Variants in GIPC1 observed in about 807,000 individuals in gnomAD.
GIPC1 encodes the protein GIPC PDZ domain containing family member 1, also known as PDZ domain-containing protein GIPC1.
GIPC1 carries 15 observed loss-of-function variants against 28.5 expected under a neutral mutation model. The ratio of observed to expected loss-of-function variants is 0.53; its 90% CI spans 0.35 to 0.81. The LOEUF is 0.81. Among genes scored for constraint, GIPC1 ranks in the 30% least tolerant of loss-of-function variants. The pLI, the probability that GIPC1 is intolerant of heterozygous loss-of-function variation, is 0.01. For missense variants in GIPC1, 439 were observed against 481.9 expected (o/e 0.91, Z 0.83); for synonymous variants, 224 against 206.1 (o/e 1.09, Z -0.74).
In GIPC1 at chr19:14,478,280, C is replaced by T; in HGVS notation, c.*136G>A. On this transcript the variant is annotated 3_prime_UTR_variant, in exon 9 of 9. Transcript: ENST00000393033. This position sits in a 1 kb window ranked among gnomAD's most constrained non-coding sequence, Gnocchi z 5.2. ...ATTGGAGCGGGGCAGGGGGCCTGGCCCCACCTCCCCTCACCATCGTCCTTG... is the reference window on the plus strand; with the variant it reads ...ATTGGAGCGGGGCAGGGGGCCTGGCTCCACCTCCCCTCACCATCGTCCTTG... The T allele has an allele frequency of 8.9e-6, 8 of 898,300 alleles. No homozygotes were observed. In the South Asian group the frequency reaches 1.2e-4, roughly 14 times the overall value. The allele number at this position is 898,300 out of a possible 1,614,324, so 55.6% of individuals were successfully genotyped here.
At chr19:14,493,315 T>A (rs546737966) in intron 1 of GIPC1, among the ~76,000 whole-genome samples, 1 of 152,336 alleles carries the variant, frequency 6.6e-6, no homozygotes, top group South Asian at 2.1e-4. Flanking sequence ...TACAACAGTT[T>A]CCCACCTTCT....
chr19:14,480,218 G>T, intron 6 of GIPC1, 87 bp downstream of exon 6: 3 of 1,168,276 alleles, frequency 2.6e-6, no homozygotes, highest in East Asian at 4.8e-5. Context: ...GGCCAGGCTT[G>T]GGCGCCACCT....
chr19:14,479,488 C>T lies in GIPC1; in HGVS notation c.692G>A (p.Gly231Asp). 6.9e-7 allele frequency: 1 copy of T among 1,442,110 alleles called. No individual in the cohort carries two copies. The highest frequency in any genetic ancestry group is 9.1e-7 in the Non-Finnish European group (1 of 1,101,124). 89.3% of individuals were successfully genotyped at this position (1,442,110 alleles called of 1,614,324 possible). ...GCCAGTGCCCAGTTGTGGGCCAGAG[C>T]CAGGGCGGCCACCCGCTGAACGCTG... The part of the protein sequence containing the change: ...ISQRSAGGRP[G>D]SGPQLGTGRG... Residue 231 changes from glycine to aspartate, a missense_variant, in exon 7 of 9, where the codon GGC becomes GAC. Gly to Asp is a moderately conservative substitution (Grantham distance 94). Transcript: ENST00000393033.
At position 14,489,379 on chromosome 19, in the gene GIPC1, G is replaced by T. The variant is rs372496013; in HGVS notation, c.-31+2277C>A. On this transcript the variant is annotated intron_variant, in intron 3 of 8. Coordinates refer to ENST00000393033, the MANE Select transcript of GIPC1 (RefSeq NM_005716.4). Reference sequence around the variant, plus strand: ...TCCAAGGCATCTGTGAGCCCATGGAGTATACACCATGAGCAAAGCTCACCC... The same window carrying T: ...TCCAAGGCATCTGTGAGCCCATGGATTATACACCATGAGCAAAGCTCACCC... 10 of 785,540 alleles carry T rather than the reference G, an allele frequency of 1.3e-5. No individual in the cohort carries two copies. In the East Asian group the frequency reaches 2.4e-4, roughly 19 times the overall value. 48.7% of individuals were successfully genotyped at this position (785,540 alleles called of 1,614,324 possible). A position where few individuals can be genotyped will look rare whatever the true frequency, so the allele number is the denominator to read the frequency against.
chr19:14,492,710 C>G (rs753802958), intron 2 of GIPC1, 147 bp downstream of exon 2: 35 of 152,286 alleles, frequency 2.3e-4, no homozygotes, highest in Non-Finnish European at 4.6e-4. Flanking sequence ...TCTGCCCACC[C>G]CACTGCCCTG....
At chr19:14,480,164 G>A (rs1271730812) in intron 6 of GIPC1, 141 bp downstream of exon 6, 5 of 688,630 alleles carry the variant, frequency 7.3e-6, no homozygotes, top group Non-Finnish European at 9.8e-6. Context: ...GGGTCGGGAG[G>A]AGCTGCAACC....
chr19:14,479,847 C>T (rs772523845), intron 6 of GIPC1: 16 of 369,238 alleles, frequency 4.3e-5, no homozygotes, highest in African/African-American at 2.5e-4. Flanking sequence ...TGCCTGAGTC[C>T]GTCTCCTCTT....
chr19:14,489,837 G>A (rs1390439373), intron 3 of GIPC1, among the ~76,000 whole-genome samples: 2 of 151,604 alleles, frequency 1.3e-5, no homozygotes, highest in Non-Finnish European at 2.9e-5. Context: ...TGATTTCAAA[G>A]GGTTTTATGT....
intron 1 of GIPC1, among the ~76,000 whole-genome samples, chr19:14,493,512 C>CA (rs2072014089): frequency 6.6e-6 from 1 of 151,860 alleles, no homozygotes; most frequent in Non-Finnish European, 1.5e-5. Context: ...GGTTGGAGTG[C>CA]AGTGGCGCCA....
intron 1 of GIPC1, among the ~76,000 whole-genome samples, chr19:14,494,266 AT>A (rs1386860719): frequency 1.3e-5 from 2 of 151,384 alleles, no homozygotes; most frequent in Admixed American, 1.3e-4. Context: ...CAATTTTTGT[AT>A]TTTTAGTAGA....
At chr19:14,485,960 C>T (rs558115504) in intron 3 of GIPC1, among the ~76,000 whole-genome samples, 4 of 151,906 alleles carry the variant, frequency 2.6e-5, no homozygotes, top group African/African-American at 4.8e-5. Context: ...TTAGTAGAGA[C>T]GAGGTTTCAC....
rs747997135 is a variant in GIPC1, at chr19:14,478,691, C to T, written c.843G>A (p.Thr281=). ...LLESYMGIRD[T]ELAATMVELG... ...CAGGCAGCCCTCACTCACCCAGCTC[C>T]GTGTCCCTGATACCCATGTAACTCT... The change falls in exon 8 of 9, where the codon ACG becomes ACA. Residue 281 remains threonine, a synonymous_variant. Transcript: ENST00000393033. This position sits in a 1 kb window ranked among gnomAD's most constrained non-coding sequence, Gnocchi z 5.2. The T allele has an allele frequency of 1.4e-5, 22 of 1,613,690 alleles. No individual in the cohort carries two copies. The highest frequency in any genetic ancestry group is 9.3e-5 in the African/African-American group (7 of 74,874).
At chr19:14,485,449 G>A (rs924061913) in intron 3 of GIPC1, among the ~76,000 whole-genome samples, 5 of 151,226 alleles carry the variant, frequency 3.3e-5, no homozygotes, top group South Asian at 2.1e-4. Flanking sequence ...TCAGGAGTTC[G>A]AGACCAGCCT....
chr19:14,495,165 G>A (rs1599368283), intron 1 of GIPC1, among the ~76,000 whole-genome samples: 1 of 152,292 alleles, frequency 6.6e-6, no homozygotes. Flanking sequence ...CAGCATCCTG[G>A]CCCCCTGCAG....
intron 3 of GIPC1, among the ~76,000 whole-genome samples, chr19:14,485,751 G>GGA (rs1324783645): frequency 5.1e-5 from 6 of 116,936 alleles, no homozygotes; most frequent in East Asian, 2.7e-4. Context: ...ACAGAGAGAG[G>GGA]GAGAGAGAGA....
intron 3 of GIPC1, among the ~76,000 whole-genome samples, chr19:14,488,125 C>T (rs2071886322): frequency 6.6e-6 from 1 of 152,128 alleles, no homozygotes; most frequent in Non-Finnish European, 1.5e-5. Context: ...GGGGCAAGAA[C>T]GTCCCAAGTA....
In GIPC1 at chr19:14,478,697, C is replaced by T. The variant is rs1420411394; in HGVS notation, c.837G>A (p.Arg279=). The T allele has an allele frequency of 5.6e-6, 9 of 1,613,880 alleles. No individual in the cohort carries two copies. Among genetic ancestry groups the T allele is most frequent in the Non-Finnish European group, 7.6e-6 (9 of 1,179,894 alleles). ...GCCCTCACTCACCCAGCTCCGTGTC[C>T]CTGATACCCATGTAACTCTCCAGCA... The part of the protein sequence containing the change: ...DDLLESYMGI[R]DTELAATMVE... The change falls in exon 8 of 9, where the codon AGG becomes AGA. Residue 279 remains arginine, a synonymous_variant. Coordinates refer to ENST00000393033, the MANE Select transcript of GIPC1 (RefSeq NM_005716.4). This position sits in a 1 kb window ranked among gnomAD's most constrained non-coding sequence, Gnocchi z 5.2.
intron 3 of GIPC1, among the ~76,000 whole-genome samples, chr19:14,487,443 C>T (rs1434801987): frequency 4.0e-5 from 6 of 150,026 alleles, no homozygotes; most frequent in Admixed American, 1.3e-4. Flanking sequence ...ACTACGTTGG[C>T]CAGGCTGGTC....
At position 14,482,989 on chromosome 19, in the gene GIPC1, G is replaced by C; in HGVS notation, c.-13C>G. On this transcript the variant is annotated 5_prime_UTR_variant, in exon 4 of 9. Transcript: ENST00000393033. ...GTCCCAGCGGCATGAGCAGCGAGAA[G>C]TGGGGTCACCAGAAGATCTGCAGGA... The C allele has an allele frequency of 6.2e-7, 1 of 1,607,462 alleles. No individual in the cohort carries two copies. Among genetic ancestry groups the C allele is most frequent in the Non-Finnish European group, 8.5e-7 (1 of 1,179,212 alleles).
Sources: allele counts gnomAD v4.1 joint callset (sites outside exome capture counted in the v4.1 genomes callset), GRCh38; gene constraint gnomAD v4.1.1; non-coding constraint Gnocchi (gnomAD v3.1); transcripts MANE v1.5; gene names NCBI Gene and HGNC (gene_info 2026-07-23, HGNC 2026-07-21).